MIGA1: variants seen among roughly 807,000 people sequenced by gnomAD.
The protein encoded by MIGA1 is mitoguardin 1.
Under a neutral mutation model 82.0 loss-of-function variants are expected in MIGA1, and 58 were observed. That is an observed-to-expected ratio of 0.71 (90% CI 0.57 to 0.88). The LOEUF (loss-of-function observed/expected upper bound fraction) is 0.88. Among genes scored for constraint, MIGA1 ranks in the 40% least tolerant of loss-of-function variants. The pLI, the probability that MIGA1 is intolerant of heterozygous loss-of-function variation, is 0.00. For missense variants in MIGA1, 751 were observed against 749.1 expected, an observed-to-expected ratio of 1.00 and a Z score of -0.03; for synonymous variants, 249 against 253.6, an observed-to-expected ratio of 0.98 and a Z score of 0.17.
chr1:77,860,719 T>G (rs1340808172), intron 11 of MIGA1: 1 of 153,196 alleles, frequency 6.5e-6, no homozygotes, highest in Non-Finnish European at 1.5e-5. Flanking sequence ...TTTCAGAGGG[T>G]TTTTAGGATG....
intron 8 of MIGA1, among the ~76,000 whole-genome samples, chr1:77,845,783 G>A (rs866740449): frequency 1.3e-5 from 2 of 152,080 alleles, no homozygotes; most frequent in African/African-American, 2.4e-5. Context: ...TTGATCGTTC[G>A]AAAACCTTTT....
chr1:77,787,681 TG>T (rs1682227757), intron 2 of MIGA1, among the ~76,000 whole-genome samples: 2 of 152,156 alleles, frequency 1.3e-5, no homozygotes, highest in African/African-American at 4.8e-5. Flanking sequence ...GAGCCACTTG[TG>T]CCTGGCCCCT....
At chr1:77,834,087 A>C (rs1684340064) in intron 7 of MIGA1, among the ~76,000 whole-genome samples, 1 of 152,116 alleles carries the variant, frequency 6.6e-6, no homozygotes, top group South Asian at 2.1e-4. Context: ...CATGGGTGAA[A>C]CTTTATACGT....
chr1:77,821,652 C>G (rs566134668), intron 7 of MIGA1, among the ~76,000 whole-genome samples: 18 of 152,240 alleles, frequency 1.2e-4, no homozygotes, highest in Middle Eastern at 3.4e-3. Context: ...CCTCCGCCCC[C>G]CAAAGTGCTG....
chr1:77,829,035 T>C (rs1684137801), intron 7 of MIGA1, among the ~76,000 whole-genome samples: 2 of 152,222 alleles, frequency 1.3e-5, no homozygotes, highest in Non-Finnish European at 2.9e-5. Flanking sequence ...GGTTTGTGCT[T>C]TCTATGTATT....
rs755219402 is a variant in MIGA1 at position 77,859,023 on chromosome 1, T to C, written c.1082T>C (p.Val361Ala). 1 of 1,613,372 alleles carries C rather than the reference T, an allele frequency of 6.2e-7. No homozygotes were observed. The highest frequency in any genetic ancestry group is 1.7e-5 in the Admixed American group (1 of 60,018). ...TTTTACGAGGAAGCCATGCATTTAG[T>C]TGAAGAAGGAAAAATTTACTCCAGA... Residue 361 changes from valine to alanine, a missense_variant, in exon 9 of 16, where the codon GTT becomes GCT. Physicochemically the swap from Val to Ala is moderately conservative, Grantham distance 64. This residue lies in a region of MIGA1 where 482 missense variants were observed against 439.4 expected (regional missense o/e 1.10). Transcript: ENST00000370791.
chr1:77,785,571 G>C (rs907143828), intron 2 of MIGA1, among the ~76,000 whole-genome samples: 5 of 152,172 alleles, frequency 3.3e-5, no homozygotes, highest in African/African-American at 1.2e-4. Context: ...TTGAACTGCT[G>C]ACCTCAGGTG....
In MIGA1 at chr1:77,801,500, C is replaced by G; in HGVS notation, c.365C>G (p.Ser122Ter). 6.3e-7 allele frequency: 1 copy of G among 1,595,902 alleles called. No homozygotes were observed. Among genetic ancestry groups the G allele is most frequent in the East Asian group, 2.3e-5 (1 of 44,098 alleles). ...CTTGAATACACTAAAAGAGCAGCAT[C>G]AGACAAAGGTATGTGGAAATAGTTG... Residue 122 changes from serine (S) to a stop codon, truncating the protein, a stop_gained, in exon 3 of 16, where the codon TCA becomes TGA. Transcript: ENST00000370791. LOFTEE classifies it high-confidence loss of function.
intron 4 of MIGA1, among the ~76,000 whole-genome samples, chr1:77,804,698 C>T (rs931498343): frequency 6.6e-6 from 1 of 150,966 alleles, no homozygotes; most frequent in African/African-American, 2.4e-5. Context: ...AGCTGGAACT[C>T]AGCTCATTGC....
intron 3 of MIGA1, among the ~76,000 whole-genome samples, chr1:77,803,043 C>A (rs932494766): frequency 6.6e-6 from 1 of 151,938 alleles, no homozygotes; most frequent in African/African-American, 2.4e-5. Context: ...ATATTCTATT[C>A]TTCATTTCAG....
At chr1:77,846,376 TA>T (rs1684841153) in intron 8 of MIGA1, among the ~76,000 whole-genome samples, 1 of 152,192 alleles carries the variant, frequency 6.6e-6, no homozygotes, top group African/African-American at 2.4e-5. Context: ...AGGTAGAAAC[TA>T]ATATTGCAGA....
At chr1:77,851,160 C>A (rs773861271) in intron 8 of MIGA1, among the ~76,000 whole-genome samples, 2 of 152,246 alleles carry the variant, frequency 1.3e-5, no homozygotes, top group East Asian at 3.9e-4. Flanking sequence ...CATGAGCCAC[C>A]GCGCCGGGCC....
intron 7 of MIGA1, among the ~76,000 whole-genome samples, chr1:77,816,453 T>G (rs1244141537): frequency 6.6e-6 from 1 of 152,334 alleles, no homozygotes; most frequent in East Asian, 1.9e-4. Flanking sequence ...ACATTAGTAC[T>G]GAAAGCAGCT....
At chr1:77,856,946 G>A (rs770871301) in intron 8 of MIGA1, among the ~76,000 whole-genome samples, 1 of 151,882 alleles carries the variant, frequency 6.6e-6, no homozygotes, top group Non-Finnish European at 1.5e-5. Context: ...TGTTTGTCTA[G>A]TTGCTTGAGG....
intron 2 of MIGA1, among the ~76,000 whole-genome samples, chr1:77,797,244 T>A (rs1570930224): frequency 6.6e-6 from 1 of 152,198 alleles, no homozygotes; most frequent in African/African-American, 2.4e-5. Context: ...AGGTCATACA[T>A]ATTTTCTCCT....
intron 8 of MIGA1, 22 bp from the exon 9 acceptor site, chr1:77,858,916 T>G (rs1685365307): frequency 1.4e-6 from 2 of 1,425,122 alleles, no homozygotes; most frequent in Non-Finnish European, 2.0e-6. Context: ...CTGTATTCTG[T>G]TCTAACCCAC....
At chr1:77,808,719 A>C (rs1029179454) in intron 5 of MIGA1, among the ~76,000 whole-genome samples, 4 of 152,194 alleles carry the variant, frequency 2.6e-5, no homozygotes, top group Non-Finnish European at 5.9e-5. Context: ...AAACAAAACC[A>C]GTAAACTTGA....
intron 5 of MIGA1, chr1:77,811,780 A>G (rs1683343484): frequency 2.5e-6 from 4 of 1,576,672 alleles, no homozygotes; most frequent in East Asian, 2.3e-5. Context: ...CACCTCCGAC[A>G]TGGCCGGTCC....
In MIGA1 at chr1:77,876,402, A is replaced by G. The variant is rs1646893880; in HGVS notation, c.*1338A>G. On this transcript the variant is annotated 3_prime_UTR_variant, in exon 16 of 16. Coordinates refer to ENST00000370791, the MANE Select transcript of MIGA1 (RefSeq NM_198549.4). ...TTATATTAACTGTAGTTTCCAAAAT[A>G]TGTTACTGTTGGTCCTGTAAGTTAC... 1 of 152,220 alleles carries G rather than the reference A, an allele frequency of 6.6e-6. No homozygotes were observed. The highest frequency in any genetic ancestry group is 1.5e-5 in the Non-Finnish European group (1 of 68,038). 9.4% of individuals were successfully genotyped at this position (152,220 alleles called of 1,614,324 possible). A position where few individuals can be genotyped will look rare whatever the true frequency, so the allele number is the denominator to read the frequency against.
Sources: gnomAD v4.1 joint callset for allele counts (sites outside exome capture counted in the v4.1 genomes callset) on GRCh38, gnomAD v4.1.1 for gene constraint, gnomAD v4.1.1 regional missense constraint, MANE v1.5 for transcripts, NCBI Gene and HGNC (gene_info 2026-07-23, HGNC 2026-07-21) for gene names.